COL4A2: variants seen among roughly 807,000 people sequenced by gnomAD.
COL4A2 encodes collagen type IV alpha 2 chain.
In COL4A2, 99 loss-of-function variants were observed where a neutral mutation model predicts 200.2. The observed-to-expected ratio is 0.49, with a 90% confidence interval of 0.42 to 0.58. COL4A2 has a LOEUF of 0.58. Ranked by LOEUF, COL4A2 falls within the 20% of genes least tolerant of loss-of-function variation. COL4A2 has a pLI of 0.00. For missense variants in COL4A2, 1,950 were observed against 2,314.1 expected (o/e 0.84, Z 3.23); for synonymous variants, 897 against 900.6 (o/e 1.00, Z 0.07).
At chr13:110,443,957 C>T (rs1187898296) in intron 16 of COL4A2, among the ~76,000 whole-genome samples, 1 of 152,198 alleles carries the variant, frequency 6.6e-6, no homozygotes, top group Non-Finnish European at 1.5e-5. Flanking sequence ...CCAGTGGTCT[C>T]AGATGAACCC....
Position 110,494,629 on chromosome 13 carries a change from G to A in COL4A2, c.3635-713G>A, listed in dbSNP as rs138147806. ...TGAGGCAGAAGAATGGCGTGAACCC[G>A]GGAGGCGGAGCTTGCAGTGAGCCGA... On this transcript the variant is annotated intron_variant, in intron 39 of 47. Coordinates refer to ENST00000360467, the MANE Select transcript of COL4A2 (RefSeq NM_001846.4). Among the ~76,000 whole-genome samples the A allele has an allele frequency of 5.6e-4, 85 of 151,886 alleles. 2 individuals are homozygous for A. Among genetic ancestry groups the A allele is most frequent in the Middle Eastern group, 6.8e-3 (2 of 292 alleles).
At chr13:110,397,543 A>C (rs759530585) in intron 4 of COL4A2, among the ~76,000 whole-genome samples, 26 of 152,352 alleles carry the variant, frequency 1.7e-4, no homozygotes, top group Middle Eastern at 6.8e-3. Context: ...GGCATATTTC[A>C]CAATCTTGGC....
At chr13:110,344,374 A>T (rs1194312100) in intron 3 of COL4A2, among the ~76,000 whole-genome samples, 1 of 152,226 alleles carries the variant, frequency 6.6e-6, no homozygotes, top group East Asian at 1.9e-4. Flanking sequence ...CTTATTAGTT[A>T]TTTGACGACA....
At chr13:110,484,828 AGGGAC>A in intron 32 of COL4A2, 72 bp from the exon 33 acceptor site, 2 of 1,481,556 alleles carry the variant, frequency 1.3e-6, no homozygotes, top group East Asian at 4.6e-5. Flanking sequence ...CCTATGGCTC[AGGGAC>A]CAGGCCTTCA....
intron 29 of COL4A2, among the ~76,000 whole-genome samples, chr13:110,474,126 CAAAAAGAAAA>C (rs1344184417): frequency 4.0e-5 from 5 of 125,480 alleles, no homozygotes; most frequent in Admixed American, 1.6e-4. Flanking sequence ...GACTCTGTCT[CAAAAAGAAAA>C]GAAAAGAAAA....
At chr13:110,368,551 T>C (rs1419149116) in intron 4 of COL4A2, among the ~76,000 whole-genome samples, 1 of 152,176 alleles carries the variant, frequency 6.6e-6, no homozygotes, top group Non-Finnish European at 1.5e-5. Flanking sequence ...TATTTCCTTA[T>C]CAGCTTCACC....
chr13:110,475,739 G>C (rs1437254356), intron 29 of COL4A2, among the ~76,000 whole-genome samples: 1 of 152,232 alleles, frequency 6.6e-6, no homozygotes, highest in Admixed American at 6.5e-5. Flanking sequence ...GGCTGTGCAG[G>C]ACGGCCACAA....
intron 3 of COL4A2, among the ~76,000 whole-genome samples, chr13:110,334,837 G>C (rs973953869): frequency 6.6e-6 from 1 of 152,216 alleles, no homozygotes; most frequent in South Asian, 2.1e-4. Context: ...GAGTTATGTA[G>C]AAAGAAGTGC....
intron 24 of COL4A2, 108 bp from the exon 25 acceptor site, chr13:110,465,297 T>C: frequency 7.2e-7 from 1 of 1,385,614 alleles, no homozygotes; most frequent in Non-Finnish European, 9.7e-7. Context: ...GTCTTTCTGT[T>C]CTGGATCCAT....
chr13:110,488,367 G>A (rs1251453681), intron 34 of COL4A2, among the ~76,000 whole-genome samples: 1 of 152,182 alleles, frequency 6.6e-6, no homozygotes, highest in Non-Finnish European at 1.5e-5. Context: ...GGCCATGCTT[G>A]TACATTGATG....
chr13:110,319,534 G>A (rs947913528), intron 3 of COL4A2, among the ~76,000 whole-genome samples: 4 of 152,090 alleles, frequency 2.6e-5, no homozygotes, highest in African/African-American at 9.7e-5. Context: ...TCCTAGCAGC[G>A]CAACTACTTC....
rs117253996 is a variant in COL4A2 at position 110,467,380 on chromosome 13, C to T, written c.2095+284C>T. Among the ~76,000 whole-genome samples, 731 of 152,330 alleles carry T rather than the reference C, an allele frequency of 4.8e-3. 6 individuals are homozygous for T. Among genetic ancestry groups the T allele is most frequent in the African/African-American group, 8.6e-3 (359 of 41,582 alleles). On this transcript the variant is annotated intron_variant, in intron 27 of 47. Coordinates refer to ENST00000360467, the MANE Select transcript of COL4A2 (RefSeq NM_001846.4). ...CCCCCAGGGGCAGAGATGGAAGCCT[C>T]GTGTTTAGGACTGGAAAGGGGTTGC...
chr13:110,312,340 G>T (rs759315193), intron 3 of COL4A2, among the ~76,000 whole-genome samples: 42 of 152,202 alleles, frequency 2.8e-4, no homozygotes, highest in Non-Finnish European at 5.3e-4. Flanking sequence ...CGACCAGGCG[G>T]CTATGTTTAC....
chr13:110,432,381 G>T (rs2139460672), intron 11 of COL4A2, 21 bp downstream of exon 11: 1 of 1,600,800 alleles, frequency 6.2e-7, no homozygotes, highest in Non-Finnish European at 8.5e-7. Context: ...TTTGGGGGGT[G>T]AGGATGAGGG....
chr13:110,511,382 T>A (rs929002145), intron 47 of COL4A2, among the ~76,000 whole-genome samples: 5 of 148,452 alleles, frequency 3.4e-5, no homozygotes, highest in African/African-American at 1.2e-4. Flanking sequence ...AGTACAGATT[T>A]AAAAAAAAAA....
chr13:110,401,782 C>G (rs1446291392), intron 4 of COL4A2, among the ~76,000 whole-genome samples: 3 of 152,164 alleles, frequency 2.0e-5, no homozygotes, highest in African/African-American at 7.2e-5. Context: ...ATTTATTTCT[C>G]ACTGTTCTAG....
At chr13:110,496,314 G>C (rs982411604) in intron 40 of COL4A2, among the ~76,000 whole-genome samples, 4 of 152,336 alleles carry the variant, frequency 2.6e-5, no homozygotes, top group Non-Finnish European at 5.9e-5. Context: ...GATGTCTCGA[G>C]GCTTGCAGAT....
rs763233125 is a variant in COL4A2, at chr13:110,506,365, G to A, written c.4403-50G>A. 50 of 1,526,282 alleles carry A rather than the reference G, an allele frequency of 3.3e-5. No individual in the cohort carries two copies. The highest frequency in any genetic ancestry group is 4.3e-5 in the African/African-American group (3 of 69,774). 94.5% of individuals were successfully genotyped at this position (1,526,282 alleles called of 1,614,324 possible). A position where few individuals can be genotyped will look rare whatever the true frequency, so the allele number is the denominator to read the frequency against. ...AGGCCGTCCACTCTCTCTCTTTCTC[G>A]GGCTGCAGGTGCACCAGGCCGTCCA... On this transcript the variant is annotated intron_variant, in intron 45 of 47. Transcript: ENST00000360467.
intron 4 of COL4A2, among the ~76,000 whole-genome samples, chr13:110,371,585 A>G (rs1305791536): frequency 6.6e-6 from 1 of 152,136 alleles, no homozygotes; most frequent in East Asian, 1.9e-4. Flanking sequence ...TTATTAGAAG[A>G]CACTGTTGCT....
Sources: allele counts gnomAD v4.1 joint callset (sites outside exome capture counted in the v4.1 genomes callset), GRCh38; gene constraint gnomAD v4.1.1; transcripts MANE v1.5; gene names NCBI Gene and HGNC (gene_info 2026-07-23, HGNC 2026-07-21).